The following PCDHGA4 variants were observed in gnomAD, a reference collection of about 807,000 sequenced individuals.
PCDHGA4 encodes protocadherin gamma subfamily A, 4, also known as protocadherin gamma-A4.
In PCDHGA4, 38 loss-of-function variants were observed where a neutral mutation model predicts 54.6. The ratio of observed to expected loss-of-function variants is 0.70; its 90% CI spans 0.54 to 0.91. PCDHGA4 has a LOEUF of 0.91. Ranked by LOEUF, PCDHGA4 falls within the 40% of genes least tolerant of loss-of-function variation. The probability of loss-of-function intolerance (pLI) is 0.00; values close to 1 mark genes in which losing one functional copy is unlikely to be tolerated. For synonymous variants in PCDHGA4, 511 were observed against 512.9 expected (o/e 1.00, Z 0.05); for missense variants, 1,298 against 1,220.9 (o/e 1.06, Z -0.94).
intron 1 of PCDHGA4, among the ~76,000 whole-genome samples, chr5:141,469,315 G>A (rs1160946697): frequency 6.6e-6 from 1 of 151,866 alleles, no homozygotes; most frequent in African/African-American, 2.4e-5. Flanking sequence ...GATGGCTCAC[G>A]CCTGTAATCC....
At position 141,413,154 on chromosome 5, in the gene PCDHGA4, A is replaced by C. The variant is rs1308503780; in HGVS notation, c.2514+55533A>C. 10 of 1,576,026 alleles carry C rather than the reference A, an allele frequency of 6.3e-6. No homozygotes were observed. In the South Asian group the frequency reaches 1.2e-4, roughly 18 times the overall value. ...ACAACGTGTCCAGTGAGGACTTTGC[A>C]GAATTCTGTAACCAGACTACAATGG... On this transcript the variant is annotated intron_variant, in intron 1 of 3. Coordinates refer to ENST00000571252, the MANE Select transcript of PCDHGA4 (RefSeq NM_018917.4).
chr5:141,376,919 C>T (rs1232247479), intron 1 of PCDHGA4: 1 of 173,284 alleles, frequency 5.8e-6, no homozygotes, highest in Non-Finnish European at 1.2e-5. Context: ...GATCTCCTGA[C>T]CTCATGATCC....
chr5:141,480,607 C>T (rs2099522175), intron 1 of PCDHGA4, among the ~76,000 whole-genome samples: 1 of 145,670 alleles, frequency 6.9e-6, no homozygotes, highest in Admixed American at 6.8e-5. Context: ...GCCTGGAAAG[C>T]AACTGGCATT....
At chr5:141,497,464 T>C (rs1277760390) in intron 2 of PCDHGA4, among the ~76,000 whole-genome samples, 1 of 151,764 alleles carries the variant, frequency 6.6e-6, no homozygotes, top group Admixed American at 6.6e-5. Context: ...CTTGGAGATA[T>C]GGAGGAGAAG....
chr5:141,483,303 T>A (rs1222660132), intron 1 of PCDHGA4, among the ~76,000 whole-genome samples: 1 of 152,146 alleles, frequency 6.6e-6, no homozygotes, highest in Non-Finnish European at 1.5e-5. Context: ...GTGAAGGGAC[T>A]GGGGACATTG....
intron 1 of PCDHGA4, chr5:141,408,684 A>G (rs1660685979): frequency 6.2e-7 from 1 of 1,613,862 alleles, no homozygotes; most frequent in African/African-American, 1.3e-5. Context: ...ACGGATCCTG[A>G]TATAAACATA....
chr5:141,362,447 C>T (rs769703158), intron 1 of PCDHGA4: 1 of 1,614,048 alleles, frequency 6.2e-7, no homozygotes, highest in Non-Finnish European at 8.5e-7. Flanking sequence ...CTGAACATAA[C>T]CCCGGAATTG....
intron 1 of PCDHGA4, chr5:141,484,903 G>A: frequency 2.5e-6 from 1 of 407,434 alleles, no homozygotes; most frequent in Non-Finnish European, 4.4e-6. Context: ...CTCCAATGCT[G>A]CGACGCATTA....
At chr5:141,409,567 G>T (rs974585499) in intron 1 of PCDHGA4, 2 of 1,613,896 alleles carry the variant, frequency 1.2e-6, no homozygotes, top group Non-Finnish European at 1.7e-6. Context: ...TCGACCAGAC[G>T]TCCTACGTGG....
chr5:141,403,248 G>A lies in PCDHGA4; in HGVS notation c.2514+45627G>A, dbSNP rs778873368. 3.1e-6 allele frequency: 5 copies of A among 1,613,928 alleles called. No homozygotes were observed. The Admixed American group carries it at 6.7e-5, about 22-fold the overall frequency. On this transcript the variant is annotated intron_variant, in intron 1 of 3. Transcript: ENST00000571252. ...GACCGGGAGGAGCTCTGTGCTCAGA[G>A]CCCGCGGTGTCTGGTGAACTTTAAA...
intron 1 of PCDHGA4, among the ~76,000 whole-genome samples, chr5:141,358,148 A>G (rs1760835036): frequency 6.6e-6 from 1 of 152,192 alleles, no homozygotes; most frequent in African/African-American, 2.4e-5. Flanking sequence ...TGAGATCATG[A>G]CACTGTACTC....
chr5:141,395,131 C>A, intron 1 of PCDHGA4: 12 of 1,614,202 alleles, frequency 7.4e-6, no homozygotes, highest in Non-Finnish European at 1.0e-5. Context: ...TTTCCCCAGC[C>A]CAACTACGCA....
At chr5:141,458,308 A>G (rs1363472724) in intron 1 of PCDHGA4, among the ~76,000 whole-genome samples, 1 of 152,196 alleles carries the variant, frequency 6.6e-6, no homozygotes, top group Non-Finnish European at 1.5e-5. Context: ...AGATAAAATG[A>G]CACAGACACA....
chr5:141,411,299 G>C (rs1020908131), intron 1 of PCDHGA4: 1 of 152,284 alleles, frequency 6.6e-6, no homozygotes, highest in Non-Finnish European at 1.5e-5. Context: ...GACAGGCCCA[G>C]TGGCTCACAC....
Position 141,491,706 on chromosome 5 carries a change from G to T in PCDHGA4, c.2515-3101G>T. 6.2e-7 allele frequency: 1 copy of T among 1,611,088 alleles called. No individual in the cohort carries two copies. Among genetic ancestry groups the T allele is most frequent in the Non-Finnish European group, 8.5e-7 (1 of 1,178,772 alleles). On this transcript the variant is annotated intron_variant, in intron 1 of 3. Coordinates refer to ENST00000571252, the MANE Select transcript of PCDHGA4 (RefSeq NM_018917.4). The surrounding 1 kb of genome is among the most constrained non-coding windows in gnomAD (Gnocchi z 6.9). Reference sequence around the variant, plus strand: ...CGCTGCGGGAGCGGAGCCAGGTGAGGGGCTCGGCGCCGCCCCGGGCGACCC... The same window carrying T: ...CGCTGCGGGAGCGGAGCCAGGTGAGTGGCTCGGCGCCGCCCCGGGCGACCC...
chr5:141,428,091 T>A lies in PCDHGA4; in HGVS notation c.2515-66716T>A, dbSNP rs769710543. 1.1e-5 allele frequency: 17 copies of A among 1,609,000 alleles called. No homozygotes were observed. In the African/African-American group the frequency reaches 1.5e-4, roughly 14 times the overall value. On this transcript the variant is annotated intron_variant, in intron 1 of 3. Transcript: ENST00000571252. ...AGATTCGGGACACAACGCTTGGCTGTCCTACCACGTGCTGCAGGCCATCGA... is the reference window on the plus strand; with the variant it reads ...AGATTCGGGACACAACGCTTGGCTGACCTACCACGTGCTGCAGGCCATCGA...
At chr5:141,413,827 G>A (rs2154544774) in intron 1 of PCDHGA4, 1 of 1,613,200 alleles carries the variant, frequency 6.2e-7, no homozygotes. Context: ...GGTCCTCACC[G>A]CCTCCGACGG....
rs530963064 is a variant in PCDHGA4, at chr5:141,404,506, C to G, written c.2514+46885C>G. ...ACACTGGTGTGCTGTATGCTCTGTG[C>G]TCCTTTGACTATGAGCAGTTTAGAG... is the stretch of plus-strand genomic sequence containing the variant. On this transcript the variant is annotated intron_variant, in intron 1 of 3. Coordinates refer to ENST00000571252, the MANE Select transcript of PCDHGA4 (RefSeq NM_018917.4). The G allele has an allele frequency of 3.2e-5, 52 of 1,613,814 alleles. No individual in the cohort carries two copies. Among genetic ancestry groups the G allele is most frequent in the Non-Finnish European group, 4.3e-5 (51 of 1,179,838 alleles).
chr5:141,423,806 T>C (rs2096783171), intron 1 of PCDHGA4: 1 of 1,251,576 alleles, frequency 8.0e-7, no homozygotes, highest in Non-Finnish European at 1.0e-6. Flanking sequence ...GCAATACATG[T>C]GAGTTTTACT....
Sources: allele counts gnomAD v4.1 joint callset (sites outside exome capture counted in the v4.1 genomes callset), GRCh38; gene constraint gnomAD v4.1.1; non-coding constraint Gnocchi (gnomAD v3.1); transcripts MANE v1.5; gene names NCBI Gene and HGNC (gene_info 2026-07-23, HGNC 2026-07-21).